Variants in PHC3 observed in about 807,000 individuals in gnomAD.
The protein encoded by PHC3 is polyhomeotic-like protein 3.
Under a neutral mutation model 107.4 loss-of-function variants are expected in PHC3, and 13 were observed. That is an observed-to-expected ratio of 0.12 (90% CI 0.08 to 0.19). The LOEUF (loss-of-function observed/expected upper bound fraction) is 0.19, where lower values mean the gene tolerates loss of function less well. Ranked by LOEUF, PHC3 falls within the 10% of genes least tolerant of loss-of-function variation. The pLI is 1.00. For synonymous variants in PHC3, 456 were observed against 427.4 expected, an observed-to-expected ratio of 1.07 and a Z score of -0.83; for missense variants, 992 against 1,210.9, an observed-to-expected ratio of 0.82 and a Z score of 2.68.
At chr3:170,158,476 C>T (rs1257274427) in intron 4 of PHC3, among the ~76,000 whole-genome samples, 1 of 152,034 alleles carries the variant, frequency 6.6e-6, no homozygotes, top group African/African-American at 2.4e-5. Context: ...GTGGCAGGCA[C>T]CTGTAATCCC....
intron 4 of PHC3, chr3:170,170,804 C>T (rs1222661913): frequency 1.3e-5 from 2 of 152,166 alleles, no homozygotes; most frequent in Non-Finnish European, 2.9e-5. Flanking sequence ...ACAAGTATTA[C>T]CATGCCCATA....
At chr3:170,169,958 TTAAG>T (rs1406730058) in intron 4 of PHC3, 1 of 152,124 alleles carries the variant, frequency 6.6e-6, no homozygotes, top group African/African-American at 2.4e-5. Flanking sequence ...GTTACATTAT[TTAAG>T]TTTTTCATTT....
At chr3:170,119,036 T>TAAAAAAAAAAAAAAAAAAAAAAA (rs1002478959) in intron 9 of PHC3, among the ~76,000 whole-genome samples, 6 of 72,644 alleles carry the variant, frequency 8.3e-5, no homozygotes, top group Non-Finnish European at 1.2e-4. Context: ...TATAAAAAGC[T>TAAAAAAAAAAAAAAAAAAAAAAA]AAAAAAAAAA....
intron 5 of PHC3, among the ~76,000 whole-genome samples, chr3:170,146,470 A>T (rs1724967668): frequency 6.6e-6 from 1 of 151,552 alleles, no homozygotes; most frequent in Non-Finnish European, 1.5e-5. Context: ...AAAAATCTTC[A>T]CATCAAAAAA....
At chr3:170,117,105 T>A (rs769482918) in intron 10 of PHC3, 121 bp downstream of exon 10, 16 of 1,269,296 alleles carry the variant, frequency 1.3e-5, no homozygotes, top group Non-Finnish European at 1.8e-5. Flanking sequence ...AATGCTAGAT[T>A]AAAATGGACA....
At chr3:170,119,036 T>TAAAAAAAAAAAAAAAAAAAAAAAAA (rs1002478959) in intron 9 of PHC3, among the ~76,000 whole-genome samples, 32 of 72,586 alleles carry the variant, frequency 4.4e-4, no homozygotes, top group African/African-American at 5.7e-4. Context: ...TATAAAAAGC[T>TAAAAAAAAAAAAAAAAAAAAAAAAA]AAAAAAAAAA....
At chr3:170,134,761 A>T (rs765334515) in intron 7 of PHC3, among the ~76,000 whole-genome samples, 4 of 152,238 alleles carry the variant, frequency 2.6e-5, no homozygotes, top group Non-Finnish European at 5.9e-5. Flanking sequence ...GTTAATGTAA[A>T]GTACTAACAC....
chr3:170,137,938 G>A (rs751858331), intron 6 of PHC3, among the ~76,000 whole-genome samples: 2 of 152,026 alleles, frequency 1.3e-5, no homozygotes, highest in Non-Finnish European at 1.5e-5. Flanking sequence ...GTGGTGCCTC[G>A]CACCTGTAAT....
chr3:170,165,887 GAGCCCA>G (rs763067846), intron 4 of PHC3, among the ~76,000 whole-genome samples: 7 of 150,012 alleles, frequency 4.7e-5, no homozygotes, highest in Non-Finnish European at 8.9e-5. Flanking sequence ...AGGATCACTT[GAGCCCA>G]AGTGTTGGAG....
intron 8 of PHC3, chr3:170,125,874 A>G (rs1721161118): frequency 2.0e-6 from 1 of 506,032 alleles, no homozygotes; most frequent in Non-Finnish European, 2.6e-6. Flanking sequence ...TTGCTCACTC[A>G]CAAGATCATT....
intron 6 of PHC3, among the ~76,000 whole-genome samples, chr3:170,142,953 C>G (rs1292525843): frequency 6.6e-6 from 1 of 152,088 alleles, no homozygotes; most frequent in Non-Finnish European, 1.5e-5. Flanking sequence ...GTAGGCAGAT[C>G]ACTTGAGCTC....
chr3:170,122,991 A>G (rs961246912), intron 8 of PHC3, among the ~76,000 whole-genome samples: 1 of 152,230 alleles, frequency 6.6e-6, no homozygotes, highest in Non-Finnish European at 1.5e-5. Flanking sequence ...GTTTCCAAAA[A>G]GATGGTAGTC....
At chr3:170,167,114 T>C (rs1728861148) in intron 4 of PHC3, among the ~76,000 whole-genome samples, 1 of 152,230 alleles carries the variant, frequency 6.6e-6, no homozygotes, top group Non-Finnish European at 1.5e-5. Flanking sequence ...TTTTCTACTT[T>C]AACAGATGAC....
chr3:170,136,955 GGGA>G (rs948261644), intron 6 of PHC3, among the ~76,000 whole-genome samples: 2 of 151,646 alleles, frequency 1.3e-5, no homozygotes, highest in African/African-American at 2.4e-5. Flanking sequence ...GGGAGGGAAG[GGGA>G]GGAGAAGGGA....
In PHC3 at chr3:170,102,403, A is replaced by G. The variant is rs77653857; in HGVS notation, c.2833+76T>C. 9.4e-4 allele frequency: 1,451 copies of G among 1,543,258 alleles called. 13 individuals carry two copies. The African/African-American group carries it at 0.018, about 19-fold the overall frequency. On this transcript the variant is annotated intron_variant, in intron 14 of 14. Coordinates refer to ENST00000495893, the MANE Select transcript of PHC3 (RefSeq NM_024947.4). ...TACTTCTCTAGCCCTTTTGTGCAAA[A>G]GGTGTGGATGTATCTAACATTGCTG... is the stretch of plus-strand genomic sequence containing the variant.
chr3:170,119,901 A>C (rs1206563762), intron 9 of PHC3, among the ~76,000 whole-genome samples: 2 of 152,148 alleles, frequency 1.3e-5, no homozygotes, highest in African/African-American at 4.8e-5. Flanking sequence ...AGTATGAGGT[A>C]AATTAGAGGA....
intron 4 of PHC3, among the ~76,000 whole-genome samples, chr3:170,160,254 T>C (rs756176615): frequency 4.6e-5 from 7 of 152,238 alleles, no homozygotes; most frequent in Non-Finnish European, 7.3e-5. Context: ...ACCTCTTGTC[T>C]GCAAACTCTA....
In PHC3 at chr3:170,117,456, C is replaced by T. The variant is rs765525983; in HGVS notation, c.1963G>A (p.Val655Met). The stretch of plus-strand genomic sequence containing the variant: ...ATTACTGAAGCACTGACTGATGCCA[C>T]AGCAGGTAATTCCACTTGCTCTGAA... The part of the protein sequence containing the change: ...PLLEQVELPA[V>M]ASVSASVIKS... Residue 655 changes from valine (V) to methionine (M), a missense_variant, in exon 10 of 15, where the codon GTG (valine) becomes ATG (methionine). By Grantham distance (21) the Val-to-Met change is conservative (BLOSUM62 1). Coordinates refer to ENST00000495893, the MANE Select transcript of PHC3 (RefSeq NM_024947.4). 6 of 1,611,030 alleles carry T rather than the reference C, an allele frequency of 3.7e-6. No homozygotes were observed. The South Asian group carries it at 5.5e-5, about 15-fold the overall frequency.
chr3:170,153,745 A>G (rs1304867398), intron 4 of PHC3, among the ~76,000 whole-genome samples: 1 of 149,802 alleles, frequency 6.7e-6, no homozygotes, highest in African/African-American at 2.4e-5. Context: ...CCTGGGTGAC[A>G]GAGAGAGACT....
Sources: gnomAD v4.1 joint callset for allele counts (sites outside exome capture counted in the v4.1 genomes callset) on GRCh38, gnomAD v4.1.1 for gene constraint, MANE v1.5 for transcripts, NCBI Gene and HGNC (gene_info 2026-07-23, HGNC 2026-07-21) for gene names.